ZXDC: variants seen among roughly 807,000 people sequenced by gnomAD.
ZXDC encodes the protein zinc finger protein ZXDC.
A neutral mutation model predicts 63.6 loss-of-function variants in ZXDC; 58 were observed. The ratio of observed to expected loss-of-function variants is 0.91; its 90% CI spans 0.74 to 1.13. ZXDC has a LOEUF of 1.13. Among genes scored for constraint, ZXDC ranks in the 50% most tolerant of loss-of-function variants. The pLI is 0.00. For synonymous variants in ZXDC, 561 were observed against 496.1 expected (o/e 1.13, Z -1.74); for missense variants, 1,133 against 1,148.9 (o/e 0.99, Z 0.20).
intron 4 of ZXDC, 128 bp from the exon 5 acceptor site, chr3:126,466,453 G>C (rs1381566406): frequency 3.2e-6 from 3 of 952,318 alleles, no homozygotes; most frequent in African/African-American, 3.3e-5. Flanking sequence ...CAAGGACAGA[G>C]ACCAAATATC....
rs953201227 is a variant in ZXDC at position 126,461,364 on chromosome 3, A to G, written c.2127+171T>C. On this transcript the variant is annotated intron_variant, in intron 6 of 9. Coordinates refer to ENST00000389709, the MANE Select transcript of ZXDC (RefSeq NM_025112.5). The stretch of plus-strand genomic sequence containing the variant: ...GAGAATTTAAGGCTCAGATGGGTTA[A>G]GGTGATTTGTCAAGGTCATAAGAAC... 7.1e-6 allele frequency: 10 copies of G among 1,408,836 alleles called. No homozygotes were observed. The Admixed American group carries it at 2.4e-4, about 34-fold the overall frequency. 87.3% of individuals were successfully genotyped at this position (1,408,836 alleles called of 1,614,324 possible).
chr3:126,469,401 T>C (rs1934893716), intron 4 of ZXDC, among the ~76,000 whole-genome samples: 1 of 152,124 alleles, frequency 6.6e-6, no homozygotes, highest in Non-Finnish European at 1.5e-5. Flanking sequence ...CAAACTCTGC[T>C]TCCTCCAAAT....
chr3:126,448,333 G>A (rs776110537), intron 7 of ZXDC, among the ~76,000 whole-genome samples: 48 of 152,336 alleles, frequency 3.2e-4, no homozygotes, highest in Non-Finnish European at 4.7e-4. Context: ...CCCTGCACAT[G>A]GAGCTTACAG....
At chr3:126,468,784 G>T (rs1934870316) in intron 4 of ZXDC, among the ~76,000 whole-genome samples, 1 of 151,988 alleles carries the variant, frequency 6.6e-6, no homozygotes, top group African/African-American at 2.4e-5. Context: ...ACCGAGGCAT[G>T]TGTTCCCTGG....
intron 5 of ZXDC, among the ~76,000 whole-genome samples, chr3:126,463,570 C>G (rs1344311800): frequency 2.0e-5 from 3 of 152,204 alleles, no homozygotes. Context: ...TACACCAAAT[C>G]ACAGGATGCT....
intron 6 of ZXDC, chr3:126,460,359 C>T (rs988213574): frequency 3.0e-6 from 2 of 661,010 alleles, no homozygotes; most frequent in African/African-American, 4.0e-5. Context: ...GAGCAGCCCT[C>T]AAAGCTCGTA....
At chr3:126,445,989 C>G (rs1468268474) in intron 7 of ZXDC, among the ~76,000 whole-genome samples, 1 of 152,204 alleles carries the variant, frequency 6.6e-6, no homozygotes, top group Non-Finnish European at 1.5e-5. Flanking sequence ...TCACGATAAC[C>G]ATGAAGCCCT....
chr3:126,475,676 G>A lies in ZXDC; in HGVS notation c.190C>T (p.Pro64Ser), dbSNP rs1245893973. 7.1e-7 allele frequency: 1 copy of A among 1,403,788 alleles called. No homozygotes were observed. Among genetic ancestry groups the A allele is most frequent in the Admixed American group, 2.5e-5 (1 of 39,458 alleles). 87.0% of individuals were successfully genotyped at this position (1,403,788 alleles called of 1,614,324 possible). A position where few individuals can be genotyped will look rare whatever the true frequency, so the allele number is the denominator to read the frequency against. ...CCGTCGCTGTCGTCCTCGGCGGGCGGCGGGCTTGGCCCGGAGGCCTCCCCG... is the reference window on the plus strand; with the variant it reads ...CCGTCGCTGTCGTCCTCGGCGGGCGACGGGCTTGGCCCGGAGGCCTCCCCG... ...RPGEASGPSP[P>S]PAEDDSDGDS... Residue 64 changes from proline (P) to serine (S), a missense_variant, in exon 1 of 10, where the codon CCG becomes TCG. Pro to Ser is a moderately conservative substitution (Grantham distance 74). Transcript: ENST00000389709.
At chr3:126,460,594 G>A in intron 6 of ZXDC, 3 of 985,396 alleles carry the variant, frequency 3.0e-6, no homozygotes, top group Non-Finnish European at 3.6e-6. Context: ...TCTCTGACCT[G>A]TGGCCACCTC....
chr3:126,468,964 T>C (rs1434122046), intron 4 of ZXDC, among the ~76,000 whole-genome samples: 1 of 152,220 alleles, frequency 6.6e-6, no homozygotes, highest in East Asian at 1.9e-4. Flanking sequence ...TAAGAAAATC[T>C]AACAGCAATC....
intron 5 of ZXDC, among the ~76,000 whole-genome samples, chr3:126,463,552 A>G (rs928075336): frequency 6.6e-6 from 1 of 152,260 alleles, no homozygotes; most frequent in Non-Finnish European, 1.5e-5. Flanking sequence ...ATACAAGTAC[A>G]TGCCAATTAC....
chr3:126,457,462 GGT>G, intron 7 of ZXDC: 3 of 985,368 alleles, frequency 3.0e-6, no homozygotes, highest in Non-Finnish European at 3.6e-6. Context: ...CAAGGATGTG[GGT>G]GGCACTGACA....
intron 7 of ZXDC, chr3:126,454,961 C>G (rs1934249098): frequency 1.0e-6 from 1 of 985,328 alleles, no homozygotes; most frequent in Non-Finnish European, 1.2e-6. Flanking sequence ...TGCTATTGCT[C>G]AGACTGTACA....
intron 7 of ZXDC, chr3:126,451,158 A>C: frequency 2.0e-6 from 2 of 985,466 alleles, no homozygotes; most frequent in Non-Finnish European, 2.4e-6. Flanking sequence ...TTAATTACAC[A>C]AAGTATTTTC....
intron 7 of ZXDC, chr3:126,453,385 G>A: frequency 1.0e-6 from 1 of 985,342 alleles, no homozygotes; most frequent in Non-Finnish European, 1.2e-6. Flanking sequence ...ATCTGAATAA[G>A]CTGTCACATT....
intron 5 of ZXDC, 116 bp from the exon 6 acceptor site, chr3:126,462,336 C>G (rs1318382108): frequency 2.8e-6 from 4 of 1,443,204 alleles, no homozygotes; most frequent in African/African-American, 2.8e-5. Flanking sequence ...TGTCCTCTTC[C>G]CACACCCTGA....
At chr3:126,447,462 C>G (rs1284491431) in intron 7 of ZXDC, among the ~76,000 whole-genome samples, 2 of 152,040 alleles carry the variant, frequency 1.3e-5, no homozygotes, top group South Asian at 2.1e-4. Flanking sequence ...AGTTGATTCC[C>G]CTGGGTTTTC....
chr3:126,457,336 A>G (rs1934347500), intron 7 of ZXDC: 1 of 985,436 alleles, frequency 1.0e-6, no homozygotes, highest in Non-Finnish European at 1.2e-6. Flanking sequence ...CTGTGCAGGA[A>G]TATGTGTCTA....
At chr3:126,460,467 A>AC (rs1934480816) in intron 6 of ZXDC, 2 of 985,238 alleles carry the variant, frequency 2.0e-6, no homozygotes, top group South Asian at 4.7e-5. Flanking sequence ...CGGGGTTAAG[A>AC]CCAAGGTCTT....
Sources: gnomAD v4.1 joint callset for allele counts (sites outside exome capture counted in the v4.1 genomes callset) on GRCh38, gnomAD v4.1.1 for gene constraint, MANE v1.5 for transcripts, NCBI Gene and HGNC (gene_info 2026-07-23, HGNC 2026-07-21) for gene names.